The following TRIM3 variants were observed in gnomAD, a reference collection of about 807,000 sequenced individuals.
TRIM3 encodes the protein tripartite motif-containing protein 3.
In TRIM3, 13 loss-of-function variants were observed where a neutral mutation model predicts 66.6. That is an observed-to-expected ratio of 0.20 (90% CI 0.13 to 0.31). The LOEUF is 0.31. Ranked by LOEUF, TRIM3 falls within the 10% of genes least tolerant of loss-of-function variation. TRIM3 has a pLI of 1.00. For synonymous variants in TRIM3, 406 were observed against 411.7 expected (o/e 0.99, Z 0.17); for missense variants, 711 against 1,020.4 (o/e 0.70, Z 4.13).
At chr11:6,473,751 G>A (rs1850806275) in intron 1 of TRIM3, 40 bp downstream of exon 1, 1 of 152,366 alleles carries the variant, frequency 6.6e-6, no homozygotes, top group Non-Finnish European at 1.5e-5. Flanking sequence ...GGGCTGACAG[G>A]AATACAAACG....
Position 6,449,420 on chromosome 11 carries a change from G to A in TRIM3, c.1968C>T (p.Leu656=). The change falls in exon 11 of 12, where the codon CTC becomes CTT. Residue 656 remains leucine (L), a synonymous_variant. Transcript: ENST00000345851. The surrounding 1 kb of genome is among the most constrained non-coding windows in gnomAD (Gnocchi z 5.3). ...CCTCGCCATGGGAGCCAAACTTGAA[G>A]AGGAACTCTCCATCGGCACTGTACA... ...VKVYSADGEF[L]FKFGSHGEGN... is the part of the protein sequence containing the mutation. 6.2e-7 allele frequency: 1 copy of A among 1,614,048 alleles called. No homozygotes were observed. Among genetic ancestry groups the A allele is most frequent in the Non-Finnish European group, 8.5e-7 (1 of 1,179,962 alleles).
Position 6,449,810 on chromosome 11 carries a change from A to C in TRIM3, c.1942-364T>G. 1 of 230,010 alleles carries C rather than the reference A, an allele frequency of 4.3e-6. No homozygotes were observed. Among genetic ancestry groups the C allele is most frequent in the Non-Finnish European group, 8.6e-6 (1 of 116,188 alleles). 14.2% of individuals were successfully genotyped at this position (230,010 alleles called of 1,614,324 possible). ...TGATTCCATCTCAAATCCCTCTCTC[A>C]AGTCTATACCCTATGCATACACTGT... On this transcript the variant is annotated intron_variant, in intron 10 of 11. Coordinates refer to ENST00000345851, the MANE Select transcript of TRIM3 (RefSeq NM_033278.4). This position sits in a 1 kb window ranked among gnomAD's most constrained non-coding sequence, Gnocchi z 5.3.
In TRIM3 at chr11:6,450,584, A is replaced by G. The variant is rs2134155073; in HGVS notation, c.1908T>C (p.Ile636=). The change falls in exon 10 of 12, where the codon ATT becomes ATC. Residue 636 remains isoleucine, a synonymous_variant. Coordinates refer to ENST00000345851, the MANE Select transcript of TRIM3 (RefSeq NM_033278.4). This position sits in a 1 kb window ranked among gnomAD's most constrained non-coding sequence, Gnocchi z 4.8. ...HFVAVNNKNE[I]VVTDFHNHSV... ...AATGGTTATGGAAGTCCGTTACTAC[A>G]ATTTCATTCTTGTTGTTCACAGCCA... is the stretch of plus-strand genomic sequence containing the variant. 1 of 1,614,212 alleles carries G rather than the reference A, an allele frequency of 6.2e-7. No individual in the cohort carries two copies. Among genetic ancestry groups the G allele is most frequent in the Non-Finnish European group, 8.5e-7 (1 of 1,180,034 alleles).
Position 6,470,733 on chromosome 11 carries a change from C to T in TRIM3, c.-38+3058G>A, listed in dbSNP as rs115071836. Among the ~76,000 whole-genome samples the T allele has an allele frequency of 4.9e-3, 746 of 152,178 alleles. 10 individuals are homozygous for T. Among genetic ancestry groups the T allele is most frequent in the African/African-American group, 0.017 (710 of 41,486 alleles). On this transcript the variant is annotated intron_variant, in intron 1 of 11. Coordinates refer to ENST00000345851, the MANE Select transcript of TRIM3 (RefSeq NM_033278.4). The stretch of plus-strand genomic sequence containing the variant: ...CAGAGATGGTTCCTGAAGCCATGGG[C>T]GTGGATGACATTACCCTGAGAGGGT...
In TRIM3 at chr11:6,449,759, A is replaced by G. The variant is rs537456154; in HGVS notation, c.1942-313T>C. On this transcript the variant is annotated intron_variant, in intron 10 of 11. Coordinates refer to ENST00000345851, the MANE Select transcript of TRIM3 (RefSeq NM_033278.4). The surrounding 1 kb of genome is among the most constrained non-coding windows in gnomAD (Gnocchi z 5.3). ...TTGACTCCAATTTCTTCTCTGTTTG[A>G]TAGGCCAATGAATTAACACAACTCT... 45 of 310,254 alleles carry G rather than the reference A, an allele frequency of 1.5e-4. No homozygotes were observed. The highest frequency in any genetic ancestry group is 8.9e-4 in the African/African-American group (42 of 47,086). 19.2% of individuals were successfully genotyped at this position (310,254 alleles called of 1,614,324 possible).
rs956047894 is a variant in TRIM3, at chr11:6,456,502, T to C, written c.1224A>G (p.Pro408=). The C allele has an allele frequency of 2.5e-6, 4 of 1,576,930 alleles. No homozygotes were observed. The highest frequency in any genetic ancestry group is 2.7e-5 in the African/African-American group (2 of 74,106). Residue 408 remains proline (P), a synonymous_variant, in exon 6 of 12, where the codon CCA becomes CCG. Transcript: ENST00000345851. The surrounding 1 kb of genome is among the most constrained non-coding windows in gnomAD (Gnocchi z 6.4). ...LLLSVLLYGQ[P]VRGSPFRVRA... ...GCACGCGGAAGGGGCTGCCGCGCAC[T>C]GGCTGTCCGTAGAGCAGCACCGAGA...
In TRIM3 at chr11:6,458,409, C is replaced by T. The variant is rs1850087389; in HGVS notation, c.132-113G>A. 1 of 822,926 alleles carries T rather than the reference C, an allele frequency of 1.2e-6. No homozygotes were observed. The highest frequency in any genetic ancestry group is 1.8e-5 in the South Asian group (1 of 57,122). 51.0% of individuals were successfully genotyped at this position (822,926 alleles called of 1,614,324 possible). A position where few individuals can be genotyped will look rare whatever the true frequency, so the allele number is the denominator to read the frequency against. ...CCCTCACAGGTGTGCCATTACACTT[C>T]ATTTTAAAACCTCTCTGCTTGACAC... On this transcript the variant is annotated intron_variant, in intron 2 of 11. Transcript: ENST00000345851. The surrounding 1 kb of genome is among the most constrained non-coding windows in gnomAD (Gnocchi z 6.2).
In TRIM3 at chr11:6,457,041, T is replaced by C; in HGVS notation, c.697-12A>G. The C allele has an allele frequency of 6.3e-7, 1 of 1,578,444 alleles. No homozygotes were observed. The highest frequency in any genetic ancestry group is 1.1e-5 in the South Asian group (1 of 89,208). On this transcript the variant is annotated splice_polypyrimidine_tract_variant and intron_variant, in intron 5 of 11. Coordinates refer to ENST00000345851, the MANE Select transcript of TRIM3 (RefSeq NM_033278.4). The surrounding 1 kb of genome is among the most constrained non-coding windows in gnomAD (Gnocchi z 4.5). ...TGGCTTTGCAACACCTGATGAGGGG[T>C]AGGGGAGGAGTGGGTGAGCAGACTG...
In TRIM3 at chr11:6,456,669, G is replaced by T. The variant is rs779400339; in HGVS notation, c.1057C>A (p.Arg353=). Residue 353 remains arginine (R), a synonymous_variant, in exon 6 of 12, where the codon CGG becomes AGG. Transcript: ENST00000345851. This position sits in a 1 kb window ranked among gnomAD's most constrained non-coding sequence, Gnocchi z 6.4. ...TCAGCGCTGCCTGTGCGCACCAACC[G>T]CCCGTCCTTGTCTTTGGTAGTGACA... is the stretch of plus-strand genomic sequence containing the variant. ...LTVTTKDKDG[R]LVRTGSAELR... 15 of 1,606,474 alleles carry T rather than the reference G, an allele frequency of 9.3e-6. No homozygotes were observed. The Admixed American group carries it at 1.7e-4, about 18-fold the overall frequency.
chr11:6,462,142 C>A (rs541618521), intron 2 of TRIM3, among the ~76,000 whole-genome samples: 1 of 152,292 alleles, frequency 6.6e-6, no homozygotes, highest in Admixed American at 6.5e-5. Context: ...TCAGGGAAGC[C>A]TTCCTTGATG....
rs1466866448 is a variant in TRIM3, at chr11:6,450,484, G to C, written c.1941+67C>G. On this transcript the variant is annotated intron_variant, in intron 10 of 11. Transcript: ENST00000345851. The surrounding 1 kb of genome is among the most constrained non-coding windows in gnomAD (Gnocchi z 4.8). ...AAGGGGAAAAGGAGGAGGTAAAATA[G>C]AGAGGAGTCTTGTGGAAGAGGAAAG... 1 of 1,370,942 alleles carries C rather than the reference G, an allele frequency of 7.3e-7. No individual in the cohort carries two copies. The highest frequency in any genetic ancestry group is 1.7e-5 in the Admixed American group (1 of 59,474). The allele number at this position is 1,370,942 out of a possible 1,614,324, so 84.9% of individuals were successfully genotyped here. A position where few individuals can be genotyped will look rare whatever the true frequency, so the allele number is the denominator to read the frequency against.
chr11:6,454,059 G>T (rs148234600), intron 7 of TRIM3, among the ~76,000 whole-genome samples: 2 of 152,100 alleles, frequency 1.3e-5, no homozygotes, highest in African/African-American at 4.8e-5. Context: ...GCTATACCAG[G>T]TGTTCCCTCT....
chr11:6,464,900 T>C (rs1243455666), intron 2 of TRIM3, among the ~76,000 whole-genome samples: 3 of 146,144 alleles, frequency 2.1e-5, no homozygotes, highest in Non-Finnish European at 4.5e-5. Flanking sequence ...GGCAGGAGAA[T>C]TGGTTGAACC....
Position 6,449,493 on chromosome 11 carries a change from G to A in TRIM3, c.1942-47C>T. 1 of 1,581,060 alleles carries A rather than the reference G, an allele frequency of 6.3e-7. No homozygotes were observed. The highest frequency in any genetic ancestry group is 8.6e-7 in the Non-Finnish European group (1 of 1,160,002). The stretch of plus-strand genomic sequence containing the variant: ...GACTGGGGACCTGGCCTCAGGCAGA[G>A]GGTAGGGCTTTGGAGGAGGATAGGG... On this transcript the variant is annotated intron_variant, in intron 10 of 11. Transcript: ENST00000345851. The surrounding 1 kb of genome is among the most constrained non-coding windows in gnomAD (Gnocchi z 5.3).
At chr11:6,453,753 A>C (rs1375068380) in intron 7 of TRIM3, among the ~76,000 whole-genome samples, 1 of 152,248 alleles carries the variant, frequency 6.6e-6, no homozygotes, top group Non-Finnish European at 1.5e-5. Context: ...TCTTCTGTCA[A>C]CTGATGCTGG....
chr11:6,460,460 CTG>C, intron 2 of TRIM3, among the ~76,000 whole-genome samples: 1 of 152,026 alleles, frequency 6.6e-6, no homozygotes, highest in Admixed American at 6.5e-5. Flanking sequence ...GACTACAAAA[CTG>C]AGAGGAGAAG....
At position 6,464,594 on chromosome 11, in the gene TRIM3, T is replaced by A. The variant is rs190642490; in HGVS notation, c.131+971A>T. On this transcript the variant is annotated intron_variant, in intron 2 of 11. Coordinates refer to ENST00000345851, the MANE Select transcript of TRIM3 (RefSeq NM_033278.4). ...GCTCTTTAAGAGTAAGCATTGTAAGTGATGGATACCTTAAATACCCTACTT... is the reference window on the plus strand; with the variant it reads ...GCTCTTTAAGAGTAAGCATTGTAAGAGATGGATACCTTAAATACCCTACTT... 4.9e-3 allele frequency among the ~76,000 whole-genome samples: 748 copies of A among 152,340 alleles called. 6 individuals are homozygous for A. The highest frequency in any genetic ancestry group is 0.017 in the African/African-American group (721 of 41,582).
intron 1 of TRIM3, among the ~76,000 whole-genome samples, chr11:6,469,855 A>G (rs1850611967): frequency 6.6e-6 from 1 of 152,174 alleles, no homozygotes; most frequent in Admixed American, 6.5e-5. Context: ...TTTCTCCTAA[A>G]GAAAGTAACT....
rs1849608336 is a variant in TRIM3, at chr11:6,448,926, C to T, written c.*102G>A. Reference sequence around the variant, plus strand: ...ACCGGGTGCACCCATGCCCACAGCCCACATTCAGTGCTGCCAGGTCTGGCC... The same window carrying T: ...ACCGGGTGCACCCATGCCCACAGCCTACATTCAGTGCTGCCAGGTCTGGCC... On this transcript the variant is annotated 3_prime_UTR_variant, in exon 12 of 12. Coordinates refer to ENST00000345851, the MANE Select transcript of TRIM3 (RefSeq NM_033278.4). The T allele has an allele frequency of 6.7e-7, 1 of 1,482,634 alleles. No homozygotes were observed. The highest frequency in any genetic ancestry group is 1.2e-5 in the South Asian group (1 of 83,356). The allele number at this position is 1,482,634 out of a possible 1,614,324, so 91.8% of individuals were successfully genotyped here. A position where few individuals can be genotyped will look rare whatever the true frequency, so the allele number is the denominator to read the frequency against.
Sources: allele counts gnomAD v4.1 joint callset (sites outside exome capture counted in the v4.1 genomes callset), GRCh38; gene constraint gnomAD v4.1.1; non-coding constraint Gnocchi (gnomAD v3.1); transcripts MANE v1.5; gene names NCBI Gene and HGNC (gene_info 2026-07-23, HGNC 2026-07-21).